The following ST7L variants were observed in gnomAD, a reference collection of about 807,000 sequenced individuals.
ST7L encodes suppression of tumorigenicity 7 like.
Under a neutral mutation model 72.5 loss-of-function variants are expected in ST7L, and 57 were observed. The observed-to-expected ratio is 0.79, with a 90% CI of 0.64 to 0.98. The LOEUF (loss-of-function observed/expected upper bound fraction) is 0.98. Among genes scored for constraint, ST7L ranks in the 50% least tolerant of loss-of-function variants. The pLI is 0.00. For missense variants in ST7L, 576 were observed against 672.2 expected (o/e 0.86, Z 1.58); for synonymous variants, 221 against 240.9 (o/e 0.92, Z 0.77).
At position 112,523,777 on chromosome 1, in the gene ST7L, ATATTT is replaced by A. The variant is rs1395937544; in HGVS notation, c.*2231_*2235del. 1 of 152,170 alleles carries A rather than the reference ATATTT, an allele frequency of 6.6e-6. No homozygotes were observed. Among genetic ancestry groups the A allele is most frequent in the Non-Finnish European group, 1.5e-5 (1 of 68,040 alleles). 9.4% of individuals were successfully genotyped at this position (152,170 alleles called of 1,614,324 possible). A position where few individuals can be genotyped will look rare whatever the true frequency, so the allele number is the denominator to read the frequency against. ...TAGATACAAACTTAAAACATACTAT[ATATTT>A]TAAGGATCTAAGAATCCTTTAGAGA... is the stretch of plus-strand genomic sequence containing the variant. On this transcript the variant is annotated 3_prime_UTR_variant, in exon 15 of 15. Coordinates refer to ENST00000358039, the MANE Select transcript of ST7L (RefSeq NM_017744.5).
intron 11 of ST7L, among the ~76,000 whole-genome samples, chr1:112,562,817 T>C (rs1660393813): frequency 6.6e-6 from 1 of 152,154 alleles, no homozygotes; most frequent in African/African-American, 2.4e-5. Context: ...TTTAGGTAGA[T>C]AACTCTGGCA....
At chr1:112,559,850 G>A (rs1659809715) in intron 11 of ST7L, among the ~76,000 whole-genome samples, 1 of 151,526 alleles carries the variant, frequency 6.6e-6, no homozygotes, top group African/African-American at 2.4e-5. Flanking sequence ...GTGGTGGCGG[G>A]CACCTGTAAT....
downstream of ST7L, chr1:112,523,289 A>G (rs1465537856): frequency 6.6e-6 from 1 of 152,186 alleles, no homozygotes; most frequent in Non-Finnish European, 1.5e-5. Context: ...GCAATTTCCT[A>G]TAAATGGTTA....
At chr1:112,568,446 C>T (rs894332882) in intron 11 of ST7L, among the ~76,000 whole-genome samples, 6 of 149,762 alleles carry the variant, frequency 4.0e-5, no homozygotes, top group African/African-American at 1.5e-4. Flanking sequence ...ATGCCATTCT[C>T]CTGCCTCAGC....
chr1:112,581,809 C>A (rs1427081715), intron 9 of ST7L, among the ~76,000 whole-genome samples, 183 bp downstream of exon 9: 1 of 152,160 alleles, frequency 6.6e-6, no homozygotes, highest in African/African-American at 2.4e-5. Context: ...AAGAAAAGTT[C>A]TTCCTTGCAG....
intron 1 of ST7L, 151 bp downstream of exon 1, chr1:112,618,758 T>G: frequency 2.1e-6 from 3 of 1,424,556 alleles, no homozygotes; most frequent in Non-Finnish European, 2.8e-6. Flanking sequence ...ACTGCAAGGT[T>G]GCAGCCCAAA....
chr1:112,552,305 A>G (rs1181436751), intron 12 of ST7L, among the ~76,000 whole-genome samples: 1 of 152,062 alleles, frequency 6.6e-6, no homozygotes, highest in African/African-American at 2.4e-5. Flanking sequence ...ATGAAACAAC[A>G]TTATTTAAGG....
intron 5 of ST7L, among the ~76,000 whole-genome samples, chr1:112,593,566 T>A (rs1666001509): frequency 6.6e-6 from 1 of 152,188 alleles, no homozygotes; most frequent in Non-Finnish European, 1.5e-5. Context: ...ACATTCACTG[T>A]CTCAAAGGGA....
intron 3 of ST7L, among the ~76,000 whole-genome samples, chr1:112,608,594 A>G (rs1668624745): frequency 6.6e-6 from 1 of 152,250 alleles, no homozygotes; most frequent in Admixed American, 6.5e-5. Flanking sequence ...TCAGTCTTAC[A>G]ATGGAAAATA....
chr1:112,569,830 C>T (rs1391940435), intron 11 of ST7L, among the ~76,000 whole-genome samples: 3 of 151,836 alleles, frequency 2.0e-5, no homozygotes, highest in Non-Finnish European at 4.4e-5. Flanking sequence ...TAGTGGCACG[C>T]ACCTGTAGTC....
chr1:112,535,525 T>C (rs1013156866), intron 14 of ST7L, among the ~76,000 whole-genome samples: 1 of 151,582 alleles, frequency 6.6e-6, no homozygotes, highest in Non-Finnish European at 1.5e-5. Context: ...AGCTCAGGAG[T>C]TGGAGACCAG....
At chr1:112,575,395 G>C (rs920351884) in intron 11 of ST7L, among the ~76,000 whole-genome samples, 3 of 151,986 alleles carry the variant, frequency 2.0e-5, no homozygotes, top group Admixed American at 6.6e-5. Context: ...TTATAATTTA[G>C]GCACAGTAAG....
Position 112,612,729 on chromosome 1 carries a change from A to G in ST7L, c.289-1726T>C, listed in dbSNP as rs1369301925. Among the ~76,000 whole-genome samples the G allele has an allele frequency of 2.6e-5, 4 of 152,206 alleles. No homozygotes were observed. In the East Asian group the frequency reaches 5.8e-4, roughly 22 times the overall value. ...ATGAGGCCATGGTTTGACTTCTACCATATATTTTACTAAGAAGTGAGATAA... is the reference window on the plus strand; with the variant it reads ...ATGAGGCCATGGTTTGACTTCTACCGTATATTTTACTAAGAAGTGAGATAA... On this transcript the variant is annotated intron_variant, in intron 2 of 14. Coordinates refer to ENST00000358039, the MANE Select transcript of ST7L (RefSeq NM_017744.5).
intron 14 of ST7L, among the ~76,000 whole-genome samples, chr1:112,532,236 C>T (rs1654505265): frequency 6.6e-6 from 1 of 152,178 alleles, no homozygotes; most frequent in Non-Finnish European, 1.5e-5. Context: ...AAAGTGCCTT[C>T]GTCCACACCC....
At chr1:112,557,818 C>T (rs1659450104) in intron 11 of ST7L, among the ~76,000 whole-genome samples, 1 of 152,174 alleles carries the variant, frequency 6.6e-6, no homozygotes, top group Non-Finnish European at 1.5e-5. Context: ...AGAGAGCATA[C>T]TGCAGGATAC....
chr1:112,618,418 A>G (rs538555324), intron 1 of ST7L: 1 of 253,474 alleles, frequency 3.9e-6, no homozygotes, highest in South Asian at 1.3e-4. Context: ...TAACAGAACT[A>G]TTTTAAAACA....
chr1:112,523,474 A>C (rs1652992342), downstream of ST7L: 1 of 152,208 alleles, frequency 6.6e-6, no homozygotes, highest in South Asian at 2.1e-4. Context: ...TTGGCTTTAC[A>C]CAACTGGCAT....
chr1:112,574,705 AC>A (rs1300603908), intron 11 of ST7L, among the ~76,000 whole-genome samples: 2 of 152,124 alleles, frequency 1.3e-5, no homozygotes, highest in South Asian at 2.1e-4. Flanking sequence ...CAGATAAAAA[AC>A]ATAAAGGGAG....
chr1:112,571,998 T>C (rs1662222622), intron 11 of ST7L, among the ~76,000 whole-genome samples: 1 of 152,234 alleles, frequency 6.6e-6, no homozygotes, highest in Admixed American at 6.5e-5. Context: ...CTTCTTGATC[T>C]GTGGGCTGCA....
Sources: allele counts gnomAD v4.1 joint callset (sites outside exome capture counted in the v4.1 genomes callset), GRCh38; gene constraint gnomAD v4.1.1; transcripts MANE v1.5; gene names NCBI Gene and HGNC (gene_info 2026-07-23, HGNC 2026-07-21).